Variants in USP34 observed in about 807,000 individuals in gnomAD.
USP34 encodes ubiquitin specific peptidase 34.
A neutral mutation model predicts 460.3 loss-of-function variants in USP34; 70 were observed. That is an observed-to-expected ratio of 0.15 (90% CI 0.13 to 0.19). The LOEUF (loss-of-function observed/expected upper bound fraction) is 0.19, where lower values mean the gene tolerates loss of function less well. Ranked by LOEUF, USP34 falls within the 10% of genes least tolerant of loss-of-function variation. The pLI is 1.00. For synonymous variants in USP34, 1,647 were observed against 1,405.3 expected, an observed-to-expected ratio of 1.17 and a Z score of -3.85; for missense variants, 3,985 against 4,236.2, an observed-to-expected ratio of 0.94 and a Z score of 1.65.
intron 5 of USP34, among the ~76,000 whole-genome samples, chr2:61,393,792 A>T (rs894542100): frequency 6.6e-6 from 1 of 152,180 alleles, no homozygotes; most frequent in African/African-American, 2.4e-5. Context: ...TTAAATTATG[A>T]CCAGAATAGG....
At chr2:61,328,379 C>A (rs775519712) in intron 20 of USP34, among the ~76,000 whole-genome samples, 1 of 151,366 alleles carries the variant, frequency 6.6e-6, no homozygotes, top group African/African-American at 2.4e-5. Context: ...ATAAAAATAT[C>A]ATCTTTCATG....
chr2:61,286,432 G>T (rs1326655869), intron 34 of USP34, among the ~76,000 whole-genome samples: 1 of 152,122 alleles, frequency 6.6e-6, no homozygotes, highest in African/African-American at 2.4e-5. Context: ...GAGGCAGGAG[G>T]ATCACTTGAG....
intron 2 of USP34, among the ~76,000 whole-genome samples, chr2:61,417,725 T>A (rs1694236332): frequency 7.4e-6 from 1 of 134,894 alleles, no homozygotes; most frequent in East Asian, 2.2e-4. Context: ...AAATCTTTTT[T>A]TTTTTCTTTT....
intron 21 of USP34, among the ~76,000 whole-genome samples, chr2:61,319,965 T>C (rs976787306): frequency 7.2e-5 from 11 of 152,194 alleles, no homozygotes; most frequent in Non-Finnish European, 1.0e-4. Context: ...ACCACTAAGA[T>C]AGTTATTTAT....
At chr2:61,451,485 G>C (rs186501095) in intron 1 of USP34, among the ~76,000 whole-genome samples, 1 of 151,638 alleles carries the variant, frequency 6.6e-6, no homozygotes, top group Non-Finnish European at 1.5e-5. Flanking sequence ...GGCAGCTCAC[G>C]ACCAGCCTGA....
chr2:61,359,288 T>C (rs1352778839), intron 10 of USP34, among the ~76,000 whole-genome samples: 1 of 152,174 alleles, frequency 6.6e-6, no homozygotes, highest in Admixed American at 6.5e-5. Context: ...TAAACCTTCA[T>C]ATGAAAAAGG....
At position 61,405,837 on chromosome 2, in the gene USP34, C is replaced by A. The variant is rs985878056; in HGVS notation, c.423G>T (p.Lys141Asn). The A allele has an allele frequency of 9.9e-6, 16 of 1,613,806 alleles. No individual in the cohort carries two copies. The highest frequency in any genetic ancestry group is 1.4e-5 in the Non-Finnish European group (16 of 1,179,928). Residue 141 changes from lysine (K) to asparagine (N), a missense_variant, in exon 3 of 80, where the codon AAG becomes AAT. Physicochemically the swap from Lys to Asn is moderately conservative, Grantham distance 94. Coordinates refer to ENST00000398571, the MANE Select transcript of USP34 (RefSeq NM_014709.4). Reference protein sequence around the residue: ...ICNLTEEESSKSSDPFSLWST... With the variant: ...ICNLTEEESSNSSDPFSLWST... Reference sequence around the variant, plus strand: ...TCCATAAACTAAAAGGATCAGAACTCTTTGAAGATTCCTCCTCAGTCAGAT... The same window carrying A: ...TCCATAAACTAAAAGGATCAGAACTATTTGAAGATTCCTCCTCAGTCAGAT...
At chr2:61,212,601 A>G (rs1275247313) in intron 68 of USP34, among the ~76,000 whole-genome samples, 1 of 152,258 alleles carries the variant, frequency 6.6e-6, no homozygotes, top group Admixed American at 6.5e-5. Flanking sequence ...TTATAGACTC[A>G]TATGCACATG....
Position 61,314,788 on chromosome 2 carries a change from T to C in USP34, c.3383-44A>G, listed in dbSNP as rs1275133542. The stretch of plus-strand genomic sequence containing the variant: ...GACACATATATTAGCCTTATATTCT[T>C]GTTTAGCTATATCAAAGAAAAATTT... On this transcript the variant is annotated intron_variant, in intron 24 of 79. Coordinates refer to ENST00000398571, the MANE Select transcript of USP34 (RefSeq NM_014709.4). 4 of 1,581,422 alleles carry C rather than the reference T, an allele frequency of 2.5e-6. No individual in the cohort carries two copies. The Admixed American group carries it at 7.5e-5, about 30-fold the overall frequency.
chr2:61,264,510 A>T (rs1247503435), intron 43 of USP34, among the ~76,000 whole-genome samples: 1 of 151,906 alleles, frequency 6.6e-6, no homozygotes, highest in Non-Finnish European at 1.5e-5. Context: ...GCATGGTGGC[A>T]TATGCCTGCA....
intron 67 of USP34, among the ~76,000 whole-genome samples, chr2:61,215,688 A>AT (rs1264489308): frequency 1.3e-5 from 2 of 152,226 alleles, no homozygotes; most frequent in Non-Finnish European, 2.9e-5. Context: ...TGGAGGCTAG[A>AT]TTTTGCCTTG....
At position 61,228,989 on chromosome 2, in the gene USP34, A is replaced by T; in HGVS notation, c.7206T>A (p.Asp2402Glu). 6.3e-7 allele frequency: 1 copy of T among 1,577,576 alleles called. No homozygotes were observed. The highest frequency in any genetic ancestry group is 8.6e-7 in the Non-Finnish European group (1 of 1,162,014). Residue 2402 changes from aspartate (D) to glutamate (E), a missense_variant, in exon 60 of 80, where the codon GAT (aspartate) becomes GAA (glutamate). Asp to Glu is a conservative substitution (Grantham distance 45). Coordinates refer to ENST00000398571, the MANE Select transcript of USP34 (RefSeq NM_014709.4). ...TATCTTCTACTGAGGTATCCATATC[A>T]TCTGACCTAAGAGACAATTAAATAG... is the stretch of plus-strand genomic sequence containing the variant. ...YLQPGMEDGS[D>E]DMDTSVEDIG... is the part of the protein sequence containing the mutation.
chr2:61,448,976 A>G (rs558278761), intron 1 of USP34, among the ~76,000 whole-genome samples: 1 of 152,220 alleles, frequency 6.6e-6, no homozygotes, highest in African/African-American at 2.4e-5. Flanking sequence ...CCAACATGGA[A>G]AAACCTGTCT....
chr2:61,193,184 A>G, intron 75 of USP34: 1 of 449,454 alleles, frequency 2.2e-6, no homozygotes. Context: ...TATATCCTAT[A>G]CCTCATTCCT....
intron 20 of USP34, 48 bp from the exon 21 acceptor site, chr2:61,325,505 T>G: frequency 7.8e-7 from 1 of 1,289,728 alleles, no homozygotes; most frequent in Non-Finnish European, 1.0e-6. Context: ...ATTTCTTAAT[T>G]ACTTTTAAAA....
chr2:61,193,019 A>AT, intron 75 of USP34, 39 bp from the exon 76 acceptor site: 9 of 1,476,266 alleles, frequency 6.1e-6, no homozygotes, highest in Non-Finnish European at 8.5e-6. Context: ...TTATAATTAT[A>AT]AATTATACTA....
At chr2:61,232,984 C>T (rs1218583897) in intron 57 of USP34, among the ~76,000 whole-genome samples, 3 of 150,502 alleles carry the variant, frequency 2.0e-5, no homozygotes, top group Admixed American at 6.6e-5. Context: ...ATTCTCCTCC[C>T]GAGTAGCTGG....
chr2:61,287,041 G>C (rs1689711564), intron 34 of USP34, among the ~76,000 whole-genome samples: 1 of 152,092 alleles, frequency 6.6e-6, no homozygotes, highest in Admixed American at 6.5e-5. Context: ...TACTAAAGTG[G>C]TAGTTCACAA....
intron 10 of USP34, among the ~76,000 whole-genome samples, chr2:61,360,983 A>C (rs1692259690): frequency 6.6e-6 from 1 of 152,220 alleles, no homozygotes; most frequent in Admixed American, 6.5e-5. Flanking sequence ...TTCCTTACAA[A>C]AATAGAAAAA....
Sources: gnomAD v4.1 joint callset for allele counts (sites outside exome capture counted in the v4.1 genomes callset) on GRCh38, gnomAD v4.1.1 for gene constraint, MANE v1.5 for transcripts, NCBI Gene and HGNC (gene_info 2026-07-23, HGNC 2026-07-21) for gene names.